The following CHRNE variants were observed in gnomAD, a reference collection of about 807,000 sequenced individuals.
CHRNE encodes the protein acetylcholine receptor subunit epsilon.
A neutral mutation model predicts 56.5 loss-of-function variants in CHRNE; 58 were observed. The ratio of observed to expected loss-of-function variants is 1.03; its 90% CI spans 0.83 to 1.28. The LOEUF is 1.28. Among genes scored for constraint, CHRNE ranks in the 50% most tolerant of loss-of-function variants. The pLI, the probability that CHRNE is intolerant of heterozygous loss-of-function variation, is 0.00. For missense variants in CHRNE, 793 were observed against 688.9 expected (o/e 1.15, Z -1.69); for synonymous variants, 385 against 297.9 (o/e 1.29, Z -3.01).
In CHRNE at chr17:4,901,456, C is replaced by T. The variant is rs1016266218; in HGVS notation, c.601+69G>A. On this transcript the variant is annotated intron_variant, in intron 6 of 11. Transcript: ENST00000649488. Reference sequence around the variant, plus strand: ...TCCAGTGTCGTTGGTCCGGGGCAAGCCCACCGTGGAAGTCCCCTCTCTGGA... The same window carrying T: ...TCCAGTGTCGTTGGTCCGGGGCAAGTCCACCGTGGAAGTCCCCTCTCTGGA... 13 of 1,448,404 alleles carry T rather than the reference C, an allele frequency of 9.0e-6. No individual in the cohort carries two copies. In the Admixed American group the frequency reaches 2.0e-4, roughly 23 times the overall value. The allele number at this position is 1,448,404 out of a possible 1,614,324, so 89.7% of individuals were successfully genotyped here. A position where few individuals can be genotyped will look rare whatever the true frequency, so the allele number is the denominator to read the frequency against.
chr17:4,899,183 G>A lies in CHRNE; in HGVS notation c.1219+15C>T, dbSNP rs758374649. ...CACCCCGCGCGGCCCCCCGGGCCAG[G>A]GCCACTGTGCTCACCCGTCCAGGTC... On this transcript the variant is annotated intron_variant, in intron 10 of 11. Transcript: ENST00000649488. 10 of 1,572,018 alleles carry A rather than the reference G, an allele frequency of 6.4e-6. No individual in the cohort carries two copies. The highest frequency in any genetic ancestry group is 1.7e-5 in the Admixed American group (1 of 58,326).
upstream of CHRNE, among the ~76,000 whole-genome samples, chr17:4,904,219 C>G (rs1250752984): frequency 6.6e-6 from 1 of 151,540 alleles, no homozygotes; most frequent in Non-Finnish European, 1.5e-5. Flanking sequence ...GGTGGGGGGA[C>G]AGGATCTCAC....
In CHRNE at chr17:4,903,005, C is replaced by A; in HGVS notation, c.46+13G>T. 6.2e-7 allele frequency: 1 copy of A among 1,614,066 alleles called. No individual in the cohort carries two copies. The highest frequency in any genetic ancestry group is 8.5e-7 in the Non-Finnish European group (1 of 1,179,998). The stretch of plus-strand genomic sequence containing the variant: ...TGTGTGTGTCCAATTGCCCCTCTAG[C>A]CCCTGTCCGTACCGAGAAGCCCCAA... On this transcript the variant is annotated intron_variant, in intron 1 of 11. Coordinates refer to ENST00000649488, the MANE Select transcript of CHRNE (RefSeq NM_000080.4).
In CHRNE at chr17:4,898,819, T is replaced by C. The variant is rs778042648; in HGVS notation, c.1399A>G (p.Ser467Gly). The C allele has an allele frequency of 1.9e-6, 3 of 1,603,154 alleles. No individual in the cohort carries two copies. Among genetic ancestry groups the C allele is most frequent in the African/African-American group, 2.7e-5 (2 of 74,796 alleles). Residue 467 changes from serine to glycine, a missense_variant, in exon 12 of 12, where the codon AGC becomes GGC. Ser to Gly is a moderately conservative substitution (Grantham distance 56, BLOSUM62 0). Transcript: ENST00000649488. ...ICFWAALVLF[S>G]VGSSLIFLGA... is the part of the protein sequence containing the mutation. ...AGGAAGATGAGGCTGGAGCCCACGC[T>C]GAAGAGCACCAGAGCGGCCCAGAAG...
chr17:4,908,493 G>A, intron 1 of CHRNE, among the ~76,000 whole-genome samples: 1 of 140,230 alleles, frequency 7.1e-6, no homozygotes, highest in Non-Finnish European at 1.6e-5. Context: ...TGCCAGCGCT[G>A]GGAGCAACGC....
chr17:4,907,290 G>A (rs1002588557), upstream of CHRNE, among the ~76,000 whole-genome samples: 4 of 152,084 alleles, frequency 2.6e-5, no homozygotes, highest in East Asian at 1.9e-4. Flanking sequence ...CGGGCCGGGC[G>A]CGGGGGCTCA....
chr17:4,908,422 C>T (rs1003180884), intron 1 of CHRNE, among the ~76,000 whole-genome samples: 2 of 152,144 alleles, frequency 1.3e-5, no homozygotes, highest in Non-Finnish European at 2.9e-5. Context: ...GCTCTTGCCA[C>T]TTCCCACATC....
At position 4,902,466 on chromosome 17, in the gene CHRNE, C is replaced by A; in HGVS notation, c.218G>T (p.Ser73Ile). Residue 73 changes from serine (S) to isoleucine (I), a missense_variant, in exon 3 of 12, where the codon AGC (serine) becomes ATC (isoleucine). Physicochemically the swap from Ser to Ile is moderately radical, Grantham distance 142. Coordinates refer to ENST00000649488, the MANE Select transcript of CHRNE (RefSeq NM_000080.4). This position sits in a 1 kb window ranked among gnomAD's most constrained non-coding sequence, Gnocchi z 4.0. ...LNEKEETLTT[S>I]VWIGIDWQDY... ...TTGACTCACGATTCCAATCCAGACG[C>A]TAGTGGTGAGAGTCTCCTCTTTTTC... is the stretch of plus-strand genomic sequence containing the variant. The A allele has an allele frequency of 6.2e-7, 1 of 1,614,196 alleles. No homozygotes were observed.
At chr17:4,900,489 G>C in intron 8 of CHRNE, 1 of 1,551,042 alleles carries the variant, frequency 6.4e-7, no homozygotes, top group Non-Finnish European at 8.7e-7. Context: ...GCTAGGCCTC[G>C]GAATCCCCGG....
Position 4,899,283 on chromosome 17 carries a change from C to G in CHRNE, c.1134G>C (p.Leu378Phe). The G allele has an allele frequency of 6.3e-7, 1 of 1,599,864 alleles. No individual in the cohort carries two copies. The highest frequency in any genetic ancestry group is 8.5e-7 in the Non-Finnish European group (1 of 1,178,030). The change falls in exon 10 of 12, where the codon TTG becomes TTC. Residue 378 changes from leucine to phenylalanine, a missense_variant. Transcript: ENST00000649488. ...PPRRASSVGL[L>F]LRAEELILKK... ...TCAGTATCAGCTCCTCCGCGCGGAGCAATAAGCCCACCGACGACGCCCGCC... is the reference window on the plus strand; with the variant it reads ...TCAGTATCAGCTCCTCCGCGCGGAGGAATAAGCCCACCGACGACGCCCGCC...
chr17:4,900,350 G>T, intron 8 of CHRNE: 1 of 1,547,794 alleles, frequency 6.5e-7, no homozygotes, highest in South Asian at 1.2e-5. Context: ...AAGCCGCAGG[G>T]CAGGGGGTTC....
rs767627268 is a variant in CHRNE at position 4,900,180 on chromosome 17, C to T, written c.918-598G>A. ...TGGGGGGCTTAGGATACGCGGCGAT[C>T]GGGTAGCGGGAACAAGGACCTCTGC... On this transcript the variant is annotated intron_variant, in intron 8 of 11. Coordinates refer to ENST00000649488, the MANE Select transcript of CHRNE (RefSeq NM_000080.4). 32 of 1,543,624 alleles carry T rather than the reference C, an allele frequency of 2.1e-5. No homozygotes were observed. The South Asian group carries it at 3.4e-4, about 16-fold the overall frequency.
At position 4,901,617 on chromosome 17, in the gene CHRNE, G is replaced by C. The variant is rs375652301; in HGVS notation, c.509C>G (p.Thr170Arg). 1.6e-5 allele frequency: 26 copies of C among 1,614,022 alleles called. No homozygotes were observed. Among genetic ancestry groups the C allele is most frequent in the South Asian group, 3.3e-5 (3 of 91,088 alleles). The part of the protein sequence containing the change: ...QNCSLIFRSQ[T>R]YNAEEVEFTF... ...GAACTCCACCTCTTCGGCATTGTAC[G>C]TCTGAGAGCTGCGGAGCCAGGGCCG... The change falls in exon 6 of 12, where the codon ACG becomes AGG. Residue 170 changes from threonine (T) to arginine (R), a missense_variant. Thr to Arg is a moderately conservative substitution (Grantham distance 71). Coordinates refer to ENST00000649488, the MANE Select transcript of CHRNE (RefSeq NM_000080.4).
In CHRNE at chr17:4,901,944, G is replaced by C. The variant is rs121909516; in HGVS notation, c.488C>G (p.Ser163Trp). ...TAGCTCTTCCCACCGGAAAATAAGC[G>C]AACAGTTCTGCCAATCGAAGGGGAA... is the stretch of plus-strand genomic sequence containing the variant. ...TYFPFDWQNC[S>W]LIFRSQTYNA... The change falls in exon 5 of 12, where the codon TCG becomes TGG. Residue 163 changes from serine (S) to tryptophan (W), a missense_variant. By Grantham distance (177) the Ser-to-Trp change is radical (BLOSUM62 -3). Coordinates refer to ENST00000649488, the MANE Select transcript of CHRNE (RefSeq NM_000080.4). 44 of 1,612,372 alleles carry C rather than the reference G, an allele frequency of 2.7e-5. No individual in the cohort carries two copies. In the Middle Eastern group the frequency reaches 6.6e-4, roughly 24 times the overall value.
upstream of CHRNE, among the ~76,000 whole-genome samples, chr17:4,907,396 T>C (rs192378583): frequency 2.0e-5 from 3 of 151,182 alleles, no homozygotes; most frequent in African/African-American, 7.3e-5. Context: ...ACCCCGTGTC[T>C]ACTAAAAATT....
chr17:4,898,860 G>A lies in CHRNE; in HGVS notation c.1358C>T (p.Ala453Val), dbSNP rs1567635469. The change falls in exon 12 of 12, where the codon GCC becomes GTC. Residue 453 changes from alanine (A) to valine (V), a missense_variant. Physicochemically the swap from Ala to Val is moderately conservative, Grantham distance 64. Coordinates refer to ENST00000649488, the MANE Select transcript of CHRNE (RefSeq NM_000080.4). ...GGCCCAGAAGCAGATGTTGTCAAGGGCATTCCCCATGCGCACCCAGTCGGA... is the reference window on the plus strand; with the variant it reads ...GGCCCAGAAGCAGATGTTGTCAAGGACATTCCCCATGCGCACCCAGTCGGA... ...EVSDWVRMGN[A>V]LDNICFWAAL... 6.3e-7 allele frequency: 1 copy of A among 1,589,068 alleles called. No individual in the cohort carries two copies. The highest frequency in any genetic ancestry group is 8.6e-7 in the Non-Finnish European group (1 of 1,168,404).
At chr17:4,901,888 C>G in intron 5 of CHRNE, 44 bp downstream of exon 5, 2 of 1,597,948 alleles carry the variant, frequency 1.3e-6, no homozygotes, top group Non-Finnish European at 8.6e-7. Context: ...CATAAGGCCC[C>G]CCCCCAACAA....
chr17:4,899,415 G>GT (rs1164271898), intron 9 of CHRNE, 31 bp from the exon 10 acceptor site: 1 of 1,543,910 alleles, frequency 6.5e-7, no homozygotes, highest in African/African-American at 1.4e-5. Context: ...AGGGGACGAG[G>GT]TTAGTACGAA....
Position 4,902,989 on chromosome 17 carries a change from C to T in CHRNE, c.46+29G>A. 1.2e-6 allele frequency: 2 copies of T among 1,613,862 alleles called. No homozygotes were observed. Among genetic ancestry groups the T allele is most frequent in the Non-Finnish European group, 8.5e-7 (1 of 1,179,870 alleles). ...CCTTCATGTCAGTATCTGTGTGTGT[C>T]CAATTGCCCCTCTAGCCCCTGTCCG... is the stretch of plus-strand genomic sequence containing the variant. On this transcript the variant is annotated intron_variant, in intron 1 of 11. Coordinates refer to ENST00000649488, the MANE Select transcript of CHRNE (RefSeq NM_000080.4). This position sits in a 1 kb window ranked among gnomAD's most constrained non-coding sequence, Gnocchi z 4.0.
Sources: allele counts gnomAD v4.1 joint callset (sites outside exome capture counted in the v4.1 genomes callset), GRCh38; gene constraint gnomAD v4.1.1; non-coding constraint Gnocchi (gnomAD v3.1); transcripts MANE v1.5; gene names NCBI Gene and HGNC (gene_info 2026-07-23, HGNC 2026-07-21).